The following AFG2A variants were observed in gnomAD, a reference collection of about 807,000 sequenced individuals.
AFG2A encodes the protein ATPase family gene 2 protein homolog A.
At chr4:122,929,090 G>C in the AFG2A span, 10 of 1,613,960 alleles carry the variant, frequency 6.2e-6, no homozygotes, top group South Asian at 1.1e-4. Flanking sequence ...AGGTCGGCCT[G>C]AGTGAAATGG....
the AFG2A span, among the ~76,000 whole-genome samples, chr4:122,946,292 A>T: frequency 2.6e-5 from 4 of 152,322 alleles, no homozygotes; most frequent in African/African-American, 9.6e-5. Flanking sequence ...GAGAATCTTA[A>T]TTATTTCAAT....
the AFG2A span, among the ~76,000 whole-genome samples, chr4:123,291,023 C>T: frequency 6.6e-6 from 1 of 152,136 alleles, no homozygotes; most frequent in South Asian, 2.1e-4. Context: ...TCTTGTGGAA[C>T]TGATCCCTTT....
chr4:123,285,499 C>G, the AFG2A span, among the ~76,000 whole-genome samples: 1 of 152,128 alleles, frequency 6.6e-6, no homozygotes, highest in African/African-American at 2.4e-5. Context: ...ACTTTTGAGT[C>G]CTTAATACAG....
chr4:122,987,340 T>C, the AFG2A span, among the ~76,000 whole-genome samples: 1 of 152,162 alleles, frequency 6.6e-6, no homozygotes, highest in African/African-American at 2.4e-5. Flanking sequence ...GAGTCTCTTA[T>C]GGGTAGCATA....
At chr4:122,930,261 A>G in the AFG2A span, among the ~76,000 whole-genome samples, 683 of 152,336 alleles carry the variant, frequency 4.5e-3, 5 homozygotes, top group African/African-American at 0.014. Context: ...TGGATATTCT[A>G]TTATCTAATA....
the AFG2A span, among the ~76,000 whole-genome samples, chr4:123,172,786 G>A: frequency 6.6e-6 from 1 of 152,146 alleles, no homozygotes; most frequent in East Asian, 1.9e-4. Context: ...TATAGGAACA[G>A]ATCATTTTTT....
the AFG2A span, among the ~76,000 whole-genome samples, chr4:123,202,774 C>T: frequency 0.6 from 90,905 of 152,078 alleles, 28,760 homozygotes; most frequent in Non-Finnish European, 0.69. Context: ...AACTCTCTTG[C>T]GTACTCCTTT....
At chr4:123,000,551 A>G in the AFG2A span, among the ~76,000 whole-genome samples, 1 of 148,878 alleles carries the variant, frequency 6.7e-6, no homozygotes, top group African/African-American at 2.5e-5. Flanking sequence ...TTCTGCATCT[A>G]TTGAGATAAT....
At chr4:123,139,276 G>A in the AFG2A span, among the ~76,000 whole-genome samples, 5 of 151,988 alleles carry the variant, frequency 3.3e-5, no homozygotes, top group East Asian at 9.7e-4. Flanking sequence ...TAATGAACTG[G>A]TACTCAAAGG....
the AFG2A span, among the ~76,000 whole-genome samples, chr4:123,202,189 T>C: frequency 6.6e-6 from 1 of 152,188 alleles, no homozygotes; most frequent in Non-Finnish European, 1.5e-5. Flanking sequence ...GAATTCTATA[T>C]CACACATTTT....
chr4:123,284,661 T>A, the AFG2A span, among the ~76,000 whole-genome samples: 1 of 152,142 alleles, frequency 6.6e-6, no homozygotes, highest in Non-Finnish European at 1.5e-5. Context: ...GTTTTGGGGG[T>A]ACTACATTTT....
chr4:122,943,206 T>C, the AFG2A span, among the ~76,000 whole-genome samples: 2 of 152,106 alleles, frequency 1.3e-5, no homozygotes, highest in Non-Finnish European at 2.9e-5. Context: ...CTTTCTGTCT[T>C]GTTGATCTGT....
At chr4:123,214,269 G>A in the AFG2A span, among the ~76,000 whole-genome samples, 14 of 152,102 alleles carry the variant, frequency 9.2e-5, no homozygotes, top group East Asian at 2.1e-3. Flanking sequence ...AGGTCACTGG[G>A]GTTCAAAGAA....
chr4:123,253,984 C>T, the AFG2A span, among the ~76,000 whole-genome samples: 1 of 152,136 alleles, frequency 6.6e-6, no homozygotes, highest in Non-Finnish European at 1.5e-5. Context: ...TATCTTTTCA[C>T]ATACTTACCT....
At chr4:123,110,624 A>C in the AFG2A span, among the ~76,000 whole-genome samples, 1 of 152,278 alleles carries the variant, frequency 6.6e-6, no homozygotes, top group Non-Finnish European at 1.5e-5. Flanking sequence ...AATCAGAAAA[A>C]CCCAGAAATA....
chr4:123,068,790 C>T, the AFG2A span, among the ~76,000 whole-genome samples: 1 of 152,032 alleles, frequency 6.6e-6, no homozygotes, highest in Non-Finnish European at 1.5e-5. Flanking sequence ...ATGATCACTC[C>T]ACTGGTTATT....
At chr4:123,118,352 A>G in the AFG2A span, among the ~76,000 whole-genome samples, 1 of 49,860 alleles carries the variant, frequency 2.0e-5, no homozygotes, top group South Asian at 1.1e-3. Flanking sequence ...TATTATATAT[A>G]TTATATATAT....
chr4:123,308,240 T>G, the AFG2A span, among the ~76,000 whole-genome samples: 1 of 152,206 alleles, frequency 6.6e-6, no homozygotes, highest in Non-Finnish European at 1.5e-5. Context: ...TGCAGAGTAG[T>G]GCTCCAAACT....
chr4:122,923,086 T>A, the AFG2A span: 1 of 1,606,570 alleles, frequency 6.2e-7, no homozygotes, highest in East Asian at 2.2e-5. Context: ...TTCTCTCAGT[T>A]GAAGCGCGCA....
Sources: allele counts gnomAD v4.1 joint callset (sites outside exome capture counted in the v4.1 genomes callset), GRCh38; gene constraint gnomAD v4.1.1; transcripts MANE v1.5; gene names NCBI Gene and HGNC (gene_info 2026-07-23, HGNC 2026-07-21).